The following CFAP69 variants were observed in gnomAD, a reference collection of about 807,000 sequenced individuals.
CFAP69 encodes the protein cilia- and flagella-associated protein 69.
CFAP69 carries 92 observed loss-of-function variants against 123.0 expected under a neutral mutation model. That is an observed-to-expected ratio of 0.75 (90% CI 0.63 to 0.89). CFAP69 has a LOEUF of 0.89. Among genes scored for constraint, CFAP69 ranks in the 40% least tolerant of loss-of-function variants. The pLI is 0.00. For missense variants in CFAP69, 1,067 were observed against 1,096.9 expected, an observed-to-expected ratio of 0.97 and a Z score of 0.39; for synonymous variants, 380 against 364.3, an observed-to-expected ratio of 1.04 and a Z score of -0.49.
chr7:90,302,003 T>A (rs1226639523), intron 17 of CFAP69: 1 of 152,214 alleles, frequency 6.6e-6, no homozygotes, highest in African/African-American at 2.4e-5. Context: ...TTTGACTTTT[T>A]AATAACAGCC....
At chr7:90,286,447 A>C in intron 14 of CFAP69, 48 bp downstream of exon 14, 1 of 1,564,096 alleles carries the variant, frequency 6.4e-7, no homozygotes, top group Non-Finnish European at 8.6e-7. Context: ...GTCACCTAAC[A>C]CTATAAACTA....
rs767930947 is a variant in CFAP69 at position 90,279,879 on chromosome 7, G to C, written c.1358G>C (p.Trp453Ser). The change falls in exon 12 of 23, where the codon TGG becomes TCG. Residue 453 changes from tryptophan to serine, a missense_variant. By Grantham distance (177) the Trp-to-Ser change is radical (BLOSUM62 -3). Transcript: ENST00000389297. ...GCTCGAGTCCTTGCATTTCTAGAATGGTGTGAGAGTGAAGGTGAGTGGCCC... is the reference window on the plus strand; with the variant it reads ...GCTCGAGTCCTTGCATTTCTAGAATCGTGTGAGAGTGAAGGTGAGTGGCCC... ...GNARVLAFLE[W>S]CESEDPFFSH... The C allele has an allele frequency of 6.3e-7, 1 of 1,589,984 alleles. No individual in the cohort carries two copies. The highest frequency in any genetic ancestry group is 8.5e-7 in the Non-Finnish European group (1 of 1,171,604).
intron 6 of CFAP69, among the ~76,000 whole-genome samples, chr7:90,270,904 C>T (rs1799853358): frequency 6.6e-6 from 1 of 152,012 alleles, no homozygotes; most frequent in Admixed American, 6.6e-5. Context: ...ATCAAACTTC[C>T]CTAAAATACT....
At chr7:90,264,168 T>C (rs1308711058) in intron 4 of CFAP69, among the ~76,000 whole-genome samples, 8 of 143,978 alleles carry the variant, frequency 5.6e-5, no homozygotes, top group Admixed American at 2.1e-4. Flanking sequence ...AAGTCCTGTC[T>C]CTATAGGATA....
At chr7:90,279,938 T>A (rs1358345013) in intron 12 of CFAP69, 45 bp downstream of exon 12, 6 of 1,444,024 alleles carry the variant, frequency 4.2e-6, no homozygotes, top group Non-Finnish European at 5.6e-6. Flanking sequence ...AATCTTCATA[T>A]TTCAACTGAA....
At chr7:90,304,703 G>A in intron 18 of CFAP69, 41 bp from the exon 19 acceptor site, 1 of 1,574,502 alleles carries the variant, frequency 6.4e-7, no homozygotes, top group Non-Finnish European at 8.6e-7. Flanking sequence ...AGAATCACTT[G>A]CTCTGCTAAA....
intron 2 of CFAP69, among the ~76,000 whole-genome samples, chr7:90,257,253 A>T (rs1331314385): frequency 6.6e-6 from 1 of 152,170 alleles, no homozygotes; most frequent in Non-Finnish European, 1.5e-5. Context: ...TACTGCTTTT[A>T]TATTAACCTG....
At chr7:90,316,881 A>G in the CFAP69 span, 1 of 152,352 alleles carries the variant, frequency 6.6e-6, no homozygotes, top group East Asian at 1.9e-4. Flanking sequence ...TGTCATGACA[A>G]CTATGAGTGA....
At chr7:90,286,076 A>G (rs905627094) in intron 13 of CFAP69, among the ~76,000 whole-genome samples, 1 of 152,206 alleles carries the variant, frequency 6.6e-6, no homozygotes, top group African/African-American at 2.4e-5. Flanking sequence ...CCGAGGCAGG[A>G]GGATTACTTG....
chr7:90,277,379 T>A, intron 11 of CFAP69, 45 bp downstream of exon 11: 1 of 1,386,588 alleles, frequency 7.2e-7, no homozygotes, highest in Non-Finnish European at 9.5e-7. Flanking sequence ...ATTGTCTTAC[T>A]TTGTAGTATA....
intron 2 of CFAP69, among the ~76,000 whole-genome samples, chr7:90,256,604 A>T (rs1053928218): frequency 3.3e-5 from 5 of 152,160 alleles, no homozygotes; most frequent in Non-Finnish European, 7.3e-5. Flanking sequence ...TATGAATAGG[A>T]GGCACAAAAA....
At chr7:90,287,430 G>C (rs1253814169) in intron 14 of CFAP69, 1 of 894,498 alleles carries the variant, frequency 1.1e-6, no homozygotes, top group Admixed American at 6.2e-5. Context: ...AATGTTGTTT[G>C]GGGTTTGAAT....
rs1798774587 is a variant in CFAP69, at chr7:90,264,107, ATATATATATAT to A, written c.357-1193_357-1183del. On this transcript the variant is annotated intron_variant, in intron 4 of 22. Coordinates refer to ENST00000389297, the MANE Select transcript of CFAP69 (RefSeq NM_001039706.3). ...CTCCATCTCGAAAAAAAAAAAAAAT[ATATATATATAT>A]ATATATATATATATATATATATATA... Among the ~76,000 whole-genome samples, 109 of 62,004 alleles carry A rather than the reference ATATATATATAT, an allele frequency of 1.8e-3. 8 individuals are homozygous for A. Among genetic ancestry groups the A allele is most frequent in the Middle Eastern group, 0.018 (2 of 114 alleles). The allele number at this position is 62,004 out of a possible 152,430, so 40.7% of individuals were successfully genotyped here.
intron 17 of CFAP69, 105 bp downstream of exon 17, chr7:90,300,164 G>GTTT (rs11413344): frequency 0.019 from 19,263 of 1,039,162 alleles, 1 homozygote; most frequent in East Asian, 0.03. Context: ...TTTGTCTAAA[G>GTTT]TTTTTTTTTT....
the CFAP69 span, chr7:90,318,272 A>T: frequency 6.6e-6 from 1 of 152,214 alleles, no homozygotes; most frequent in Non-Finnish European, 1.5e-5. Flanking sequence ...TGTGAGATAT[A>T]AATAGGCAAT....
downstream of CFAP69, chr7:90,312,696 C>T (rs1280494953): frequency 6.6e-6 from 1 of 152,156 alleles, no homozygotes; most frequent in African/African-American, 2.4e-5. Flanking sequence ...CTCTGTCTCT[C>T]ATCACATCCT....
intron 1 of CFAP69, among the ~76,000 whole-genome samples, chr7:90,248,066 C>T (rs1796544254): frequency 6.6e-6 from 1 of 152,144 alleles, no homozygotes; most frequent in Admixed American, 6.5e-5. Context: ...TTCCCACTGG[C>T]TTCCAGGATG....
chr7:90,304,855 C>A, intron 19 of CFAP69, 35 bp downstream of exon 19: 1 of 1,249,460 alleles, frequency 8.0e-7, no homozygotes. Context: ...TTATTAAAAT[C>A]TAGATAGCAA....
the CFAP69 span, chr7:90,319,043 C>A: frequency 4.9e-6 from 1 of 204,514 alleles, no homozygotes; most frequent in Non-Finnish European, 9.7e-6. Context: ...ATTTCTTCAA[C>A]AAATGTAATA....
Sources: allele counts gnomAD v4.1 joint callset (sites outside exome capture counted in the v4.1 genomes callset), GRCh38; gene constraint gnomAD v4.1.1; transcripts MANE v1.5; gene names NCBI Gene and HGNC (gene_info 2026-07-23, HGNC 2026-07-21).